Variants in CCDC85A observed in about 807,000 individuals in gnomAD.
The protein encoded by CCDC85A is coiled-coil domain-containing protein 85A.
Under a neutral mutation model 50.2 loss-of-function variants are expected in CCDC85A, and 38 were observed. That is an observed-to-expected ratio of 0.76 (90% CI 0.58 to 0.99). The LOEUF is 0.99. CCDC85A is among the 50% of genes least tolerant of loss of function. CCDC85A has a pLI of 0.00. For synonymous variants in CCDC85A, 366 were observed against 301.4 expected (o/e 1.21, Z -2.22); for missense variants, 820 against 742.0 (o/e 1.11, Z -1.22).
At chr2:56,327,373 C>CTGTTCGTGGGAATGTAAATAAGTA (rs1673529488) in intron 2 of CCDC85A, among the ~76,000 whole-genome samples, 2 of 152,042 alleles carry the variant, frequency 1.3e-5, no homozygotes, top group Non-Finnish European at 2.9e-5. Flanking sequence ...GGGAACACTT[C>CTGTTCGTGGGAATGTAAATAAGTA]CAACCTAGAG....
intron 5 of CCDC85A, among the ~76,000 whole-genome samples, chr2:56,381,018 G>A (rs181080733): frequency 3.9e-5 from 6 of 152,138 alleles, no homozygotes; most frequent in African/African-American, 1.2e-4. Flanking sequence ...CAACCTCCTC[G>A]AGGTGTTTCT....
chr2:56,384,534 CTG>C lies in CCDC85A; in HGVS notation c.*183_*184del. On this transcript the variant is annotated 3_prime_UTR_variant, in exon 6 of 6. Coordinates refer to ENST00000407595, the MANE Select transcript of CCDC85A (RefSeq NM_001080433.2). Reference sequence around the variant, plus strand: ...CAACTTCTCCCCTCAAGCTGATATTCTGTGTCTCTCACCTCAATGTCCACAAC... The same window carrying C: ...CAACTTCTCCCCTCAAGCTGATATTCTGTCTCTCACCTCAATGTCCACAAC... The C allele has an allele frequency of 3.6e-6, 2 of 559,034 alleles. No individual in the cohort carries two copies. The highest frequency in any genetic ancestry group is 3.2e-6 in the Non-Finnish European group (1 of 312,048). 34.6% of individuals were successfully genotyped at this position (559,034 alleles called of 1,614,324 possible). A position where few individuals can be genotyped will look rare whatever the true frequency, so the allele number is the denominator to read the frequency against.
At chr2:56,339,885 C>T (rs1412058200) in intron 2 of CCDC85A, among the ~76,000 whole-genome samples, 1 of 152,118 alleles carries the variant, frequency 6.6e-6, no homozygotes, top group Non-Finnish European at 1.5e-5. Flanking sequence ...CTTTGCTATT[C>T]ATTTATGCTG....
At chr2:56,333,868 A>C (rs1294384545) in intron 2 of CCDC85A, among the ~76,000 whole-genome samples, 1 of 152,202 alleles carries the variant, frequency 6.6e-6, no homozygotes, top group Non-Finnish European at 1.5e-5. Flanking sequence ...AGGCTTTAAA[A>C]ATTTAAGCAG....
At chr2:56,244,518 C>G (rs1669414148) in intron 2 of CCDC85A, among the ~76,000 whole-genome samples, 2 of 151,862 alleles carry the variant, frequency 1.3e-5, no homozygotes, top group Non-Finnish European at 2.9e-5. Flanking sequence ...AAAGCCAAAG[C>G]CTGGAACCAG....
At chr2:56,316,452 TG>T (rs1292122964) in intron 2 of CCDC85A, among the ~76,000 whole-genome samples, 3 of 152,132 alleles carry the variant, frequency 2.0e-5, no homozygotes, top group Non-Finnish European at 4.4e-5. Context: ...ATCAGCCCAG[TG>T]ACTTACCTGA....
chr2:56,209,558 G>T (rs1677103382), intron 2 of CCDC85A, among the ~76,000 whole-genome samples: 1 of 151,742 alleles, frequency 6.6e-6, no homozygotes, highest in African/African-American at 2.4e-5. Flanking sequence ...ATCTATAGTG[G>T]ACTATAATGA....
intron 3 of CCDC85A, among the ~76,000 whole-genome samples, chr2:56,370,325 G>T (rs971843410): frequency 5.3e-5 from 8 of 152,182 alleles, no homozygotes; most frequent in African/African-American, 1.9e-4. Flanking sequence ...CTTCATTAGT[G>T]TATAAATACC....
At chr2:56,354,946 C>T (rs988432826) in intron 3 of CCDC85A, among the ~76,000 whole-genome samples, 1 of 152,224 alleles carries the variant, frequency 6.6e-6, no homozygotes, top group Non-Finnish European at 1.5e-5. Flanking sequence ...CCTCAGGCCA[C>T]ACCAGCCCAA....
chr2:56,223,215 A>G (rs927509448), intron 2 of CCDC85A, among the ~76,000 whole-genome samples: 1 of 152,200 alleles, frequency 6.6e-6, no homozygotes, highest in Non-Finnish European at 1.5e-5. Flanking sequence ...ATTTGTTAAA[A>G]AGCTGAATCA....
intron 1 of CCDC85A, among the ~76,000 whole-genome samples, chr2:56,190,802 G>A (rs1176032486): frequency 6.6e-6 from 1 of 152,106 alleles, no homozygotes; most frequent in Non-Finnish European, 1.5e-5. Context: ...TAATCTTGCA[G>A]CTTCCACTTT....
chr2:56,314,690 G>T (rs986082571), intron 2 of CCDC85A, among the ~76,000 whole-genome samples: 2 of 152,140 alleles, frequency 1.3e-5, no homozygotes, highest in African/African-American at 4.8e-5. Context: ...GCTTGGAAAA[G>T]ACTGGACTCA....
chr2:56,355,443 A>G (rs1015248636), intron 3 of CCDC85A, among the ~76,000 whole-genome samples: 1 of 152,198 alleles, frequency 6.6e-6, no homozygotes, highest in Non-Finnish European at 1.5e-5. Context: ...TTTGTCCTCA[A>G]ACTTCATAGT....
At chr2:56,292,979 C>T (rs975668123) in intron 2 of CCDC85A, among the ~76,000 whole-genome samples, 27 of 152,178 alleles carry the variant, frequency 1.8e-4, no homozygotes, top group African/African-American at 6.3e-4. Context: ...GAGCACCATT[C>T]CAGCTTTTCC....
chr2:56,367,096 TCCACAGAGCC>T (rs1484159510), intron 3 of CCDC85A, among the ~76,000 whole-genome samples: 1 of 152,076 alleles, frequency 6.6e-6, no homozygotes. Flanking sequence ...TTCCATAATT[TCCACAGAGCC>T]CCTTCTGCCA....
intron 4 of CCDC85A, 73 bp from the exon 5 acceptor site, chr2:56,375,743 G>A (rs1172399690): frequency 2.0e-6 from 3 of 1,480,512 alleles, no homozygotes; most frequent in African/African-American, 2.8e-5. Context: ...TAGTGAAATT[G>A]AATATTGAAT....
intron 2 of CCDC85A, among the ~76,000 whole-genome samples, chr2:56,314,632 C>A (rs1573235913): frequency 7.2e-6 from 1 of 138,736 alleles, no homozygotes; most frequent in South Asian, 2.1e-4. Context: ...ATATTTCTTC[C>A]CCCAGTTTGT....
At chr2:56,336,230 C>A (rs530306438) in intron 2 of CCDC85A, among the ~76,000 whole-genome samples, 1 of 152,294 alleles carries the variant, frequency 6.6e-6, no homozygotes, top group Admixed American at 6.5e-5. Flanking sequence ...TCTCAGCTCA[C>A]TGCAACCTCC....
chr2:56,195,243 C>T (rs1320718546), intron 2 of CCDC85A, among the ~76,000 whole-genome samples: 1 of 152,192 alleles, frequency 6.6e-6, no homozygotes, highest in Non-Finnish European at 1.5e-5. Context: ...TTAGATGCAG[C>T]TTTTAAACAA....
Sources: allele counts gnomAD v4.1 joint callset (sites outside exome capture counted in the v4.1 genomes callset), GRCh38; gene constraint gnomAD v4.1.1; transcripts MANE v1.5; gene names NCBI Gene and HGNC (gene_info 2026-07-23, HGNC 2026-07-21).